The following ARHGEF38 variants were observed in gnomAD, a reference collection of about 807,000 sequenced individuals.
ARHGEF38 encodes Rho guanine nucleotide exchange factor 38, also known as Rho guanine nucleotide exchange factor (GEF) 38.
ARHGEF38 carries 79 observed loss-of-function variants against 79.9 expected under a neutral mutation model. The ratio of observed to expected loss-of-function variants is 0.99; its 90% CI spans 0.82 to 1.19. The LOEUF is 1.19. Ranked by LOEUF, ARHGEF38 falls within the 50% of genes most tolerant of loss-of-function variation. The probability of loss-of-function intolerance (pLI) is 0.00; values close to 1 mark genes in which losing one functional copy is unlikely to be tolerated. For missense variants in ARHGEF38, 962 were observed against 907.2 expected (o/e 1.06, Z -0.78); for synonymous variants, 366 against 328.3 (o/e 1.11, Z -1.24).
intron 5 of ARHGEF38, among the ~76,000 whole-genome samples, chr4:105,643,842 G>C (rs78144246): frequency 6.9e-6 from 1 of 145,566 alleles, no homozygotes; most frequent in East Asian, 2.0e-4. Context: ...CAAATGAATT[G>C]AATTAGATGG....
intron 1 of ARHGEF38, among the ~76,000 whole-genome samples, chr4:105,554,094 A>G (rs1725138157): frequency 6.6e-6 from 1 of 152,200 alleles, no homozygotes; most frequent in East Asian, 1.9e-4. Flanking sequence ...CACAGCATCA[A>G]TCTTATCCTC....
chr4:105,567,931 C>A (rs185566285), intron 1 of ARHGEF38, among the ~76,000 whole-genome samples: 11 of 130,104 alleles, frequency 8.5e-5, no homozygotes, highest in South Asian at 6.3e-4. Flanking sequence ...TCCCTCCCCC[C>A]CTCCCCCCAC....
chr4:105,602,751 G>A (rs1304217369), intron 2 of ARHGEF38, among the ~76,000 whole-genome samples: 1 of 152,146 alleles, frequency 6.6e-6, no homozygotes, highest in Non-Finnish European at 1.5e-5. Flanking sequence ...GCTGAGTTTT[G>A]AGAATCTTCT....
intron 2 of ARHGEF38, among the ~76,000 whole-genome samples, chr4:105,606,653 A>G (rs1012519520): frequency 2.0e-5 from 3 of 152,150 alleles, no homozygotes; most frequent in African/African-American, 7.2e-5. Flanking sequence ...TCAAAAATTT[A>G]TGAATGGTTA....
Position 105,630,963 on chromosome 4 carries a change from G to GGTTTCTT in ARHGEF38, c.574_575insGTTTCTT (p.Asp192GlyfsTer4), listed in dbSNP as rs762227222. 6.2e-7 allele frequency: 1 copy of GGTTTCTT among 1,613,794 alleles called. No homozygotes were observed. Among genetic ancestry groups the GGTTTCTT allele is most frequent in the Non-Finnish European group, 8.5e-7 (1 of 1,179,854 alleles). ...TTATAAAATCTACTGCTATCACCAT[G>GGTTTCTT]ATGAAGCACATAGTATACTGGAGTC... On this transcript the variant is annotated frameshift_variant, in exon 4 of 14. Coordinates refer to ENST00000420470, the MANE Select transcript of ARHGEF38 (RefSeq NM_001242729.2). LOFTEE classifies it high-confidence loss of function.
intron 2 of ARHGEF38, among the ~76,000 whole-genome samples, chr4:105,603,818 G>A (rs780816200): frequency 6.6e-6 from 1 of 152,056 alleles, no homozygotes. Context: ...AGCTCCTTTA[G>A]GTTTCTCAGG....
intron 4 of ARHGEF38, 37 bp downstream of exon 4, chr4:105,631,082 C>T: frequency 6.3e-7 from 1 of 1,588,070 alleles, no homozygotes; most frequent in South Asian, 1.2e-5. Context: ...CATCTCCTCT[C>T]AGTTGCCTAG....
At chr4:105,607,980 C>T (rs1217399623) in intron 2 of ARHGEF38, among the ~76,000 whole-genome samples, 2 of 151,824 alleles carry the variant, frequency 1.3e-5, no homozygotes, top group African/African-American at 4.8e-5. Context: ...AAAAAAAATG[C>T]CATAAACTGG....
chr4:105,659,001 C>T, intron 9 of ARHGEF38, 53 bp from the exon 10 acceptor site: 1 of 1,435,028 alleles, frequency 7.0e-7, no homozygotes, highest in Non-Finnish European at 9.2e-7. Flanking sequence ...CAGAACTGGA[C>T]AAGGTATGGG....
At chr4:105,557,957 A>G (rs186731996) in intron 1 of ARHGEF38, among the ~76,000 whole-genome samples, 122 of 152,298 alleles carry the variant, frequency 8.0e-4, no homozygotes, top group African/African-American at 2.8e-3. Context: ...ATACATGGGT[A>G]AAATGCTATT....
intron 1 of ARHGEF38, 83 bp downstream of exon 1, chr4:105,553,044 C>A: frequency 4.4e-6 from 5 of 1,138,220 alleles, no homozygotes; most frequent in South Asian, 1.7e-5. Context: ...AGAAAACACA[C>A]AAGGCAGAGG....
chr4:105,612,569 A>G (rs1728337664), intron 2 of ARHGEF38, among the ~76,000 whole-genome samples: 1 of 152,228 alleles, frequency 6.6e-6, no homozygotes, highest in South Asian at 2.1e-4. Flanking sequence ...TGATTATGAA[A>G]GGAGATCCAA....
chr4:105,674,056 A>G (rs1731042225), intron 13 of ARHGEF38, among the ~76,000 whole-genome samples: 1 of 152,162 alleles, frequency 6.6e-6, no homozygotes, highest in Non-Finnish European at 1.5e-5. Context: ...TAAAAATAAA[A>G]TGATATTCAG....
chr4:105,603,889 A>G (rs1727928079), intron 2 of ARHGEF38, among the ~76,000 whole-genome samples: 1 of 152,184 alleles, frequency 6.6e-6, no homozygotes. Context: ...CAAGTTCTGC[A>G]TATGGCAAAC....
At chr4:105,565,055 T>C (rs1578257993) in intron 1 of ARHGEF38, among the ~76,000 whole-genome samples, 1 of 152,212 alleles carries the variant, frequency 6.6e-6, no homozygotes, top group Non-Finnish European at 1.5e-5. Flanking sequence ...GCCTGTAAAT[T>C]CAAACCAATA....
chr4:105,655,498 C>G (rs765196500), intron 8 of ARHGEF38, 105 bp from the exon 9 acceptor site: 44 of 1,161,996 alleles, frequency 3.8e-5, no homozygotes, highest in Non-Finnish European at 5.1e-5. Context: ...TAAATAACCT[C>G]TCAGTGATAA....
chr4:105,583,450 A>C (rs1428707032), intron 1 of ARHGEF38, among the ~76,000 whole-genome samples: 3 of 152,030 alleles, frequency 2.0e-5, no homozygotes, highest in Non-Finnish European at 4.4e-5. Context: ...GCACACGCTC[A>C]CCTTAAGGTT....
intron 1 of ARHGEF38, among the ~76,000 whole-genome samples, chr4:105,574,700 C>T (rs1286036985): frequency 6.6e-6 from 1 of 151,944 alleles, no homozygotes; most frequent in Non-Finnish European, 1.5e-5. Flanking sequence ...CGGTTTCTTT[C>T]TATCCCTTGT....
chr4:105,657,028 T>TA (rs558234384), intron 9 of ARHGEF38, among the ~76,000 whole-genome samples: 1 of 151,444 alleles, frequency 6.6e-6, no homozygotes, highest in African/African-American at 2.4e-5. Flanking sequence ...GATAGATAGA[T>TA]GATAGATAGA....
Sources: gnomAD v4.1 joint callset for allele counts (sites outside exome capture counted in the v4.1 genomes callset) on GRCh38, gnomAD v4.1.1 for gene constraint, MANE v1.5 for transcripts, NCBI Gene and HGNC (gene_info 2026-07-23, HGNC 2026-07-21) for gene names.